OPRM1: variants seen among roughly 807,000 people sequenced by gnomAD.
The protein encoded by OPRM1 is mu-type opioid receptor.
Under a neutral mutation model 31.8 loss-of-function variants are expected in OPRM1, and 27 were observed. That is an observed-to-expected ratio of 0.85 (90% CI 0.63 to 1.17). OPRM1 has a LOEUF of 1.17. Among genes scored for constraint, OPRM1 ranks in the 50% most tolerant of loss-of-function variants. The pLI, the probability that OPRM1 is intolerant of heterozygous loss-of-function variation, is 0.00. For synonymous variants in OPRM1, 196 were observed against 189.9 expected, an observed-to-expected ratio of 1.03 and a Z score of -0.26; for missense variants, 536 against 511.1, an observed-to-expected ratio of 1.05 and a Z score of -0.47.
At chr6:154,118,446 A>G (rs1270948724) in intron 3 of OPRM1, among the ~76,000 whole-genome samples, 1 of 152,188 alleles carries the variant, frequency 6.6e-6, no homozygotes, top group Non-Finnish European at 1.5e-5. Context: ...TGACTAGTAT[A>G]CAGTTCTTTT....
At chr6:154,242,250 C>T (rs1780656961) in intron 3 of OPRM1, among the ~76,000 whole-genome samples, 1 of 152,136 alleles carries the variant, frequency 6.6e-6, no homozygotes, top group South Asian at 2.1e-4. Context: ...AGGACCTAAT[C>T]GGAACCTTGG....
intron 3 of OPRM1, chr6:154,154,905 C>T (rs900385519): frequency 2.6e-5 from 4 of 152,474 alleles, no homozygotes; most frequent in African/African-American, 7.2e-5. Flanking sequence ...CTAAAAGTCA[C>T]ATTCCCATCA....
chr6:154,117,851 A>C (rs2128523966), intron 3 of OPRM1, among the ~76,000 whole-genome samples: 1 of 54,812 alleles, frequency 1.8e-5, no homozygotes, highest in East Asian at 7.1e-4. Context: ...AAATGGCTTA[A>C]AAAGATGGTG....
Position 154,122,457 on chromosome 6 carries a change from A to G in OPRM1, c.*3736A>G, listed in dbSNP as rs1049228623. Among the ~76,000 whole-genome samples, 2 of 152,224 alleles carry G rather than the reference A, an allele frequency of 1.3e-5. No homozygotes were observed. Among genetic ancestry groups the G allele is most frequent in the Admixed American group, 6.5e-5 (1 of 15,280 alleles). On this transcript the variant is annotated 3_prime_UTR_variant, in exon 4 of 4. Coordinates refer to ENST00000330432, the MANE Select transcript of OPRM1 (RefSeq NM_000914.5). ...TTGATATGGTTCAGGATACATAGTCATAGAACAGGGCATGCAGATTGTATT... is the reference window on the plus strand; with the variant it reads ...TTGATATGGTTCAGGATACATAGTCGTAGAACAGGGCATGCAGATTGTATT...
intron 3 of OPRM1, among the ~76,000 whole-genome samples, chr6:154,174,074 G>A (rs1800096986): frequency 1.3e-5 from 2 of 152,140 alleles, no homozygotes; most frequent in East Asian, 1.9e-4. Context: ...GCCAAACTAA[G>A]CTTCATAAGT....
In OPRM1 at chr6:154,130,813, G is replaced by A. The variant is rs572440044; in HGVS notation, c.*12092G>A. On this transcript the variant is annotated 3_prime_UTR_variant, in exon 4 of 4. Transcript: ENST00000330432. ...GCACATACATTTCCATTATTTTAATGGGAATTAAAGAAAAAATGCCTGTTT... is the reference window on the plus strand; with the variant it reads ...GCACATACATTTCCATTATTTTAATAGGAATTAAAGAAAAAATGCCTGTTT... 1.3e-5 allele frequency among the ~76,000 whole-genome samples: 2 copies of A among 151,872 alleles called. No individual in the cohort carries two copies. The highest frequency in any genetic ancestry group is 4.2e-4 in the South Asian group (2 of 4,800).
chr6:154,072,144 A>G (rs1786909184), intron 1 of OPRM1, among the ~76,000 whole-genome samples: 1 of 152,210 alleles, frequency 6.6e-6, no homozygotes, highest in Non-Finnish European at 1.5e-5. Context: ...TAAGATAACA[A>G]GAGCTGGGAA....
chr6:154,113,156 C>T (rs1796517091), intron 3 of OPRM1, among the ~76,000 whole-genome samples: 1 of 152,172 alleles, frequency 6.6e-6, no homozygotes, highest in Admixed American at 6.5e-5. Context: ...CTAAGACTGA[C>T]CTGCTGATCT....
downstream of OPRM1, among the ~76,000 whole-genome samples, chr6:154,136,098 A>G (rs1159438633): frequency 1.3e-5 from 2 of 152,196 alleles, no homozygotes; most frequent in Non-Finnish European, 2.9e-5. Flanking sequence ...GAGACATCAT[A>G]TCCCAGAGAG....
rs185979097 is a variant in OPRM1 at position 154,184,045 on chromosome 6, C to T, written c.1165-62648C>T. The stretch of plus-strand genomic sequence containing the variant: ...GTCACTATGCTGCATATTCGATCCC[C>T]TGAGCTTATTCATTTTATAGCTGAA... On this transcript the variant is annotated intron_variant, in intron 3 of 3. Coordinates refer to the OPRM1 transcript ENST00000337049. Among the ~76,000 whole-genome samples the T allele has an allele frequency of 6.5e-3, 982 of 152,222 alleles. 6 individuals carry two copies. The highest frequency in any genetic ancestry group is 0.023 in the African/African-American group (942 of 41,568).
At chr6:154,020,282 T>C (rs1017721194) in intron 1 of OPRM1, among the ~76,000 whole-genome samples, 9 of 152,138 alleles carry the variant, frequency 5.9e-5, no homozygotes, top group Non-Finnish European at 1.3e-4. Flanking sequence ...ATTGCCAAAC[T>C]GTTTTCAACA....
chr6:154,207,301 A>G (rs1227025540), intron 3 of OPRM1, among the ~76,000 whole-genome samples: 1 of 152,240 alleles, frequency 6.6e-6, no homozygotes, highest in Non-Finnish European at 1.5e-5. Context: ...TCAGTTAGAT[A>G]TTCAACCATA....
chr6:154,241,691 C>T (rs575574456), intron 3 of OPRM1, among the ~76,000 whole-genome samples: 1 of 152,308 alleles, frequency 6.6e-6, no homozygotes, highest in African/African-American at 2.4e-5. Context: ...TGCATTTTCT[C>T]ACCATCTCCT....
chr6:154,079,571 G>C (rs940180840), intron 1 of OPRM1, among the ~76,000 whole-genome samples: 1 of 152,068 alleles, frequency 6.6e-6, no homozygotes, highest in African/African-American at 2.4e-5. Flanking sequence ...GAAGACGATA[G>C]AAAATCACAA....
At chr6:154,159,810 G>C in intron 3 of OPRM1, 1 of 1,587,826 alleles carries the variant, frequency 6.3e-7, no homozygotes, top group South Asian at 1.1e-5. Flanking sequence ...TATAAGAGGA[G>C]AAAACCCTGA....
At chr6:154,061,368 C>T (rs191522967) in intron 1 of OPRM1, among the ~76,000 whole-genome samples, 2 of 152,084 alleles carry the variant, frequency 1.3e-5, no homozygotes, top group African/African-American at 2.4e-5. Context: ...ATTTAGAAAT[C>T]GCTTGGTTCT....
intron 1 of OPRM1, 43 bp from the exon 2 acceptor site, chr6:154,089,783 A>G (rs758253034): frequency 1.5e-6 from 2 of 1,336,772 alleles, no homozygotes; most frequent in East Asian, 4.6e-5. Flanking sequence ...ATTTTACACT[A>G]GTGTCTTTTA....
intron 3 of OPRM1, among the ~76,000 whole-genome samples, chr6:154,143,151 G>C (rs1219325885): frequency 6.6e-6 from 1 of 152,172 alleles, no homozygotes; most frequent in Non-Finnish European, 1.5e-5. Context: ...TATAATATGT[G>C]TTTAATATAA....
intron 3 of OPRM1, among the ~76,000 whole-genome samples, chr6:154,166,796 A>C (rs1799471855): frequency 6.6e-6 from 1 of 152,142 alleles, no homozygotes; most frequent in African/African-American, 2.4e-5. Flanking sequence ...AAATCCCAAC[A>C]CGCTATGACA....
Sources: allele counts gnomAD v4.1 joint callset (sites outside exome capture counted in the v4.1 genomes callset), GRCh38; gene constraint gnomAD v4.1.1; transcripts MANE v1.5; gene names NCBI Gene and HGNC (gene_info 2026-07-23, HGNC 2026-07-21).